HECW1: variants seen among roughly 807,000 people sequenced by gnomAD.
HECW1 encodes the protein HECT, C2 and WW domain containing E3 ubiquitin protein ligase 1.
Under a neutral mutation model 182.3 loss-of-function variants are expected in HECW1, and 61 were observed. The ratio of observed to expected loss-of-function variants is 0.33; its 90% CI spans 0.27 to 0.41. The LOEUF (loss-of-function observed/expected upper bound fraction) is 0.41, where lower values mean the gene tolerates loss of function less well. HECW1 is among the 10% of genes least tolerant of loss of function. The pLI is 1.00. For missense variants in HECW1, 1,739 were observed against 2,108.9 expected, an observed-to-expected ratio of 0.82 and a Z score of 3.44; for synonymous variants, 859 against 832.6, an observed-to-expected ratio of 1.03 and a Z score of -0.55.
chr7:43,277,184 C>G (rs1017613710), intron 3 of HECW1, among the ~76,000 whole-genome samples: 5 of 152,176 alleles, frequency 3.3e-5, no homozygotes, highest in Admixed American at 3.3e-4. Flanking sequence ...CCCTTATCTC[C>G]TCTCCATCCT....
rs2082269028 is a variant in HECW1 at position 43,563,758 on chromosome 7, A to G, written c.*1832A>G. The G allele has an allele frequency of 1.1e-5, 2 of 176,234 alleles. No individual in the cohort carries two copies. The highest frequency in any genetic ancestry group is 6.3e-5 in the Admixed American group (1 of 15,776). The allele number at this position is 176,234 out of a possible 1,614,324, so 10.9% of individuals were successfully genotyped here. On this transcript the variant is annotated 3_prime_UTR_variant, in exon 30 of 30. Transcript: ENST00000395891. ...ATGGCACATGCCGGTAGTCCCAGCT[A>G]CTTGGGAGGCTGAGGAAGGAGAATC...
chr7:43,216,339 T>C (rs1447841920), intron 2 of HECW1, among the ~76,000 whole-genome samples: 1 of 152,042 alleles, frequency 6.6e-6, no homozygotes, highest in Non-Finnish European at 1.5e-5. Context: ...AGAGACGAGC[T>C]TTCACCATAT....
chr7:43,441,037 G>T (rs2076870827), intron 9 of HECW1, among the ~76,000 whole-genome samples: 1 of 152,158 alleles, frequency 6.6e-6, no homozygotes, highest in Admixed American at 6.5e-5. Flanking sequence ...CAACTGGTTT[G>T]GGGCTATGTG....
Position 43,243,755 on chromosome 7 carries a change from G to A in HECW1, c.-31-120G>A. On this transcript the variant is annotated intron_variant, in intron 2 of 29. Coordinates refer to ENST00000395891, the MANE Select transcript of HECW1 (RefSeq NM_015052.5). This position sits in a 1 kb window ranked among gnomAD's most constrained non-coding sequence, Gnocchi z 4.0. Reference sequence around the variant, plus strand: ...GTGTGATTTTTCCTTTTGCACGTCGGTTGCCCAGGCCAGGTATCTTGGCGG... The same window carrying A: ...GTGTGATTTTTCCTTTTGCACGTCGATTGCCCAGGCCAGGTATCTTGGCGG... 5 of 774,344 alleles carry A rather than the reference G, an allele frequency of 6.5e-6. No homozygotes were observed. Among genetic ancestry groups the A allele is most frequent in the Admixed American group, 3.8e-5 (2 of 52,762 alleles). 48.0% of individuals were successfully genotyped at this position (774,344 alleles called of 1,614,324 possible). A position where few individuals can be genotyped will look rare whatever the true frequency, so the allele number is the denominator to read the frequency against.
At chr7:43,282,177 T>C (rs1804004186) in intron 3 of HECW1, among the ~76,000 whole-genome samples, 1 of 152,254 alleles carries the variant, frequency 6.6e-6, no homozygotes, top group African/African-American at 2.4e-5. Context: ...GCTGTGTGCA[T>C]GGGTCACTTA....
intron 2 of HECW1, among the ~76,000 whole-genome samples, chr7:43,210,116 G>A (rs1025883962): frequency 2.0e-4 from 30 of 152,114 alleles, no homozygotes; most frequent in Non-Finnish European, 5.9e-5. Context: ...GCCGTATGTG[G>A]GGTGTGAGTG....
chr7:43,315,455 CATTATTATTGTT>C (rs1219567095), intron 4 of HECW1, among the ~76,000 whole-genome samples: 12 of 117,734 alleles, frequency 1.0e-4, no homozygotes, highest in African/African-American at 6.9e-4. Flanking sequence ...TCTCCCGTCC[CATTATTATTGTT>C]ATTATTATTA....
chr7:43,247,731 A>AAGGG (rs1799523496), intron 3 of HECW1, among the ~76,000 whole-genome samples: 1 of 124,208 alleles, frequency 8.1e-6, no homozygotes, highest in African/African-American at 3.8e-5. Flanking sequence ...AGGAAGGAAG[A>AAGGG]AAGGAAGGAA....
chr7:43,454,560 T>G lies in HECW1; in HGVS notation c.2501-1737T>G, dbSNP rs190962142. 5.3e-3 allele frequency among the ~76,000 whole-genome samples: 808 copies of G among 152,316 alleles called. 3 individuals are homozygous for G. The highest frequency in any genetic ancestry group is 9.2e-3 in the Non-Finnish European group (628 of 68,012). ...TTTAATCAAAATCTCCTAGGACATA[T>G]TTATACAATCTGCCTACATTTTTCC... On this transcript the variant is annotated intron_variant, in intron 12 of 29. Coordinates refer to ENST00000395891, the MANE Select transcript of HECW1 (RefSeq NM_015052.5).
At chr7:43,501,183 C>A in intron 20 of HECW1, 30 bp from the exon 21 acceptor site, 2 of 744,856 alleles carry the variant, frequency 2.7e-6, no homozygotes, top group Non-Finnish European at 4.3e-6. Context: ...TCTTTTCTTT[C>A]TTTTTTTTTT....
At chr7:43,322,196 C>T (rs1049148988) in intron 5 of HECW1, among the ~76,000 whole-genome samples, 9 of 152,094 alleles carry the variant, frequency 5.9e-5, no homozygotes, top group Non-Finnish European at 1.0e-4. Context: ...CAGCCTCCCG[C>T]GTAGCTGGGA....
chr7:43,342,777 G>C (rs1247850155), intron 5 of HECW1, among the ~76,000 whole-genome samples: 1 of 151,742 alleles, frequency 6.6e-6, no homozygotes, highest in African/African-American at 2.4e-5. Context: ...TGTAATCCTG[G>C]CACTTTGGGA....
At chr7:43,426,608 T>C (rs574034304) in intron 8 of HECW1, among the ~76,000 whole-genome samples, 1 of 152,354 alleles carries the variant, frequency 6.6e-6, no homozygotes, top group Non-Finnish European at 1.5e-5. Context: ...ATTCAGTTTG[T>C]ATCAAAGATG....
chr7:43,515,124 G>A (rs1360170240), intron 24 of HECW1, among the ~76,000 whole-genome samples: 2 of 152,226 alleles, frequency 1.3e-5, no homozygotes, highest in East Asian at 3.8e-4. Flanking sequence ...TGGCAGAGAA[G>A]AGGAGTGGGG....
chr7:43,495,055 T>C (rs945728345), intron 19 of HECW1, among the ~76,000 whole-genome samples: 6 of 152,192 alleles, frequency 3.9e-5, no homozygotes, highest in Admixed American at 1.3e-4. Flanking sequence ...TTCTTTTTCT[T>C]TGAGGGGGTG....
At chr7:43,336,146 C>T (rs866001834) in intron 5 of HECW1, among the ~76,000 whole-genome samples, 17 of 40,890 alleles carry the variant, frequency 4.2e-4, no homozygotes, top group South Asian at 9.5e-4. Context: ...CTCTCTCTTT[C>T]TCTCTCTCTC....
intron 2 of HECW1, among the ~76,000 whole-genome samples, chr7:43,131,818 C>T (rs1282009209): frequency 6.6e-6 from 1 of 152,162 alleles, no homozygotes; most frequent in African/African-American, 2.4e-5. Flanking sequence ...AGAGTGGCAT[C>T]TGGGAAAGAT....
chr7:43,212,249 G>T (rs1796063494), intron 2 of HECW1, among the ~76,000 whole-genome samples: 1 of 152,016 alleles, frequency 6.6e-6, no homozygotes, highest in South Asian at 2.1e-4. Flanking sequence ...CTCAGATTAG[G>T]GTTGTGTTAT....
At position 43,279,492 on chromosome 7, in the gene HECW1, G is replaced by A. The variant is rs116149707; in HGVS notation, c.28-32271G>A. ...TTCTGCCTCATCTAGAGCCTAACCC[G>A]ACCATCCACGCTCTTCTTTTTTACT... On this transcript the variant is annotated intron_variant, in intron 3 of 29. Coordinates refer to ENST00000395891, the MANE Select transcript of HECW1 (RefSeq NM_015052.5). 8.0e-3 allele frequency among the ~76,000 whole-genome samples: 1,220 copies of A among 152,110 alleles called. 15 individuals carry two copies. The highest frequency in any genetic ancestry group is 0.028 in the African/African-American group (1,156 of 41,482).
Sources: gnomAD v4.1 joint callset for allele counts (sites outside exome capture counted in the v4.1 genomes callset) on GRCh38, gnomAD v4.1.1 for gene constraint, Gnocchi (gnomAD v3.1) non-coding constraint, MANE v1.5 for transcripts, NCBI Gene and HGNC (gene_info 2026-07-23, HGNC 2026-07-21) for gene names.